SLC25A28: variants seen among roughly 807,000 people sequenced by gnomAD.
The protein encoded by SLC25A28 is mitoferrin-2.
SLC25A28 carries 10 observed loss-of-function variants against 31.9 expected under a neutral mutation model. The observed-to-expected ratio is 0.31, with a 90% confidence interval of 0.19 to 0.53. SLC25A28 has a LOEUF of 0.53. Among genes scored for constraint, SLC25A28 ranks in the 20% least tolerant of loss-of-function variants. SLC25A28 has a pLI of 0.95. For synonymous variants in SLC25A28, 208 were observed against 203.6 expected (o/e 1.02, Z -0.19); for missense variants, 256 against 490.3 (o/e 0.52, Z 4.51).
chr10:99,631,932 C>A, the SLC25A28 span, among the ~76,000 whole-genome samples: 2 of 128,644 alleles, frequency 1.6e-5, no homozygotes, highest in Non-Finnish European at 3.2e-5. Context: ...CTCTGTCGCC[C>A]AGGCCGGACT....
At chr10:99,633,483 G>C in the SLC25A28 span, among the ~76,000 whole-genome samples, 2 of 152,010 alleles carry the variant, frequency 1.3e-5, no homozygotes, top group Non-Finnish European at 2.9e-5. Flanking sequence ...ATCACCTGAG[G>C]TCAGGAGTTC....
the SLC25A28 span, among the ~76,000 whole-genome samples, chr10:99,653,422 C>T: frequency 2.0e-4 from 31 of 152,164 alleles, no homozygotes; most frequent in East Asian, 1.9e-4. Flanking sequence ...AGACTTTAGC[C>T]GCCTATAACC....
Position 99,618,625 on chromosome 10 carries a change from C to T in SLC25A28, c.291+1420G>A, listed in dbSNP as rs1316488528. On this transcript the variant is annotated intron_variant, in intron 1 of 3. Coordinates refer to ENST00000370495, the MANE Select transcript of SLC25A28 (RefSeq NM_031212.4). ...ATTTTACAGTTTATTTCTATTTCTC[C>T]CAATTGACAAGGACATTTAACATTC... 4.1e-6 allele frequency: 4 copies of T among 985,176 alleles called. No homozygotes were observed. The South Asian group carries it at 1.4e-4, about 35-fold the overall frequency. The allele number at this position is 985,176 out of a possible 1,614,324, so 61.0% of individuals were successfully genotyped here. A position where few individuals can be genotyped will look rare whatever the true frequency, so the allele number is the denominator to read the frequency against.
chr10:99,644,816 C>T, the SLC25A28 span, among the ~76,000 whole-genome samples: 1 of 152,102 alleles, frequency 6.6e-6, no homozygotes, highest in Non-Finnish European at 1.5e-5. Flanking sequence ...ATGTATGTAG[C>T]TTAGTTTGGC....
chr10:99,611,474 G>A lies in SLC25A28; in HGVS notation c.578-108C>T. 4.3e-6 allele frequency: 6 copies of A among 1,394,466 alleles called. No homozygotes were observed. Among genetic ancestry groups the A allele is most frequent in the Admixed American group, 4.4e-5 (2 of 45,692 alleles). The allele number at this position is 1,394,466 out of a possible 1,614,324, so 86.4% of individuals were successfully genotyped here. ...AGCAGATCAGCCAATGGAATAGAGA[G>A]AGAAAAAAGTATGAGTGAGCTGCTG... On this transcript the variant is annotated intron_variant, in intron 3 of 3. Coordinates refer to ENST00000370495, the MANE Select transcript of SLC25A28 (RefSeq NM_031212.4). This position sits in a 1 kb window ranked among gnomAD's most constrained non-coding sequence, Gnocchi z 5.5.
upstream of SLC25A28, chr10:99,620,931 G>A (rs546785857): frequency 5.3e-5 from 52 of 977,912 alleles, 1 homozygote; most frequent in South Asian, 2.2e-3. Flanking sequence ...AACTGCTGAC[G>A]GGCGCCGTTA....
the SLC25A28 span, among the ~76,000 whole-genome samples, chr10:99,633,493 C>T: frequency 1.3e-5 from 2 of 151,932 alleles, no homozygotes; most frequent in African/African-American, 4.8e-5. Context: ...GTCAGGAGTT[C>T]GAGACCAGCC....
the SLC25A28 span, among the ~76,000 whole-genome samples, chr10:99,645,536 C>A: frequency 4.6e-5 from 7 of 152,182 alleles, no homozygotes; most frequent in African/African-American, 7.2e-5. Context: ...TATTACCGAT[C>A]GTCCAAAGCC....
At chr10:99,631,885 TTTTTTA>T in the SLC25A28 span, among the ~76,000 whole-genome samples, 5 of 97,542 alleles carry the variant, frequency 5.1e-5, no homozygotes, top group East Asian at 2.6e-4. Context: ...GTTATTTTTT[TTTTTTA>T]TTTTTTTTTT....
intron 1 of SLC25A28, chr10:99,615,559 T>C (rs908365400): frequency 7.1e-6 from 7 of 985,302 alleles, no homozygotes; most frequent in African/African-American, 5.2e-5. Flanking sequence ...AGTTACTGGA[T>C]GTTCAATCAG....
chr10:99,640,146 T>A, the SLC25A28 span, among the ~76,000 whole-genome samples: 1 of 152,236 alleles, frequency 6.6e-6, no homozygotes, highest in Admixed American at 6.5e-5. Flanking sequence ...TATATTGTTT[T>A]ATATTAGTTA....
intron 1 of SLC25A28, chr10:99,617,141 C>T (rs4919368): frequency 2.0e-6 from 2 of 985,202 alleles, no homozygotes; most frequent in African/African-American, 3.5e-5. Context: ...GTGGGTACTT[C>T]GCCAGAGGAT....
chr10:99,641,781 A>G, the SLC25A28 span, among the ~76,000 whole-genome samples: 4 of 152,338 alleles, frequency 2.6e-5, no homozygotes, highest in African/African-American at 9.6e-5. Flanking sequence ...AGCTTTCTCC[A>G]TATGGCTAGC....
At chr10:99,637,551 G>A in the SLC25A28 span, among the ~76,000 whole-genome samples, 2 of 152,114 alleles carry the variant, frequency 1.3e-5, no homozygotes. Context: ...GACTCCTCCA[G>A]AAAGCTCCTA....
the SLC25A28 span, among the ~76,000 whole-genome samples, chr10:99,642,083 G>GT: frequency 6.6e-6 from 1 of 151,904 alleles, no homozygotes; most frequent in South Asian, 2.1e-4. Flanking sequence ...CTTTAAAGTA[G>GT]TTTTTTCCAA....
At chr10:99,650,857 C>G in the SLC25A28 span, among the ~76,000 whole-genome samples, 1 of 152,130 alleles carries the variant, frequency 6.6e-6, no homozygotes, top group Admixed American at 6.6e-5. Context: ...CTGTAGATCC[C>G]CGGTATCTAG....
At chr10:99,632,912 G>A in the SLC25A28 span, among the ~76,000 whole-genome samples, 3 of 152,154 alleles carry the variant, frequency 2.0e-5, no homozygotes, top group South Asian at 6.2e-4. Flanking sequence ...GAAACAGCTA[G>A]AATTACAAAG....
In SLC25A28 at chr10:99,611,375, G is replaced by T; in HGVS notation, c.578-9C>A. The T allele has an allele frequency of 1.2e-6, 2 of 1,612,176 alleles. No homozygotes were observed. The highest frequency in any genetic ancestry group is 1.7e-6 in the Non-Finnish European group (2 of 1,178,624). ...CATCCTCTGCTTGACCACTAGTAGT[G>T]CCATCAACGAGGAAGGAAATGGTGA... On this transcript the variant is annotated splice_polypyrimidine_tract_variant and intron_variant, in intron 3 of 3. Transcript: ENST00000370495. The surrounding 1 kb of genome is among the most constrained non-coding windows in gnomAD (Gnocchi z 5.5).
the SLC25A28 span, among the ~76,000 whole-genome samples, chr10:99,646,227 C>G: frequency 6.6e-6 from 1 of 152,198 alleles, no homozygotes; most frequent in Non-Finnish European, 1.5e-5. Context: ...GCTTCCCAGC[C>G]ACTTTGTTTA....
Sources: allele counts gnomAD v4.1 joint callset (sites outside exome capture counted in the v4.1 genomes callset), GRCh38; gene constraint gnomAD v4.1.1; non-coding constraint Gnocchi (gnomAD v3.1); transcripts MANE v1.5; gene names NCBI Gene and HGNC (gene_info 2026-07-23, HGNC 2026-07-21).